CDK13: variants seen among roughly 807,000 people sequenced by gnomAD.
CDK13 encodes cyclin dependent kinase 13.
In CDK13, 40 loss-of-function variants were observed where a neutral mutation model predicts 137.6. That is an observed-to-expected ratio of 0.29 (90% CI 0.23 to 0.38). CDK13 has a LOEUF of 0.38. Among genes scored for constraint, CDK13 ranks in the 10% least tolerant of loss-of-function variants. The pLI, the probability that CDK13 is intolerant of heterozygous loss-of-function variation, is 1.00. For missense variants in CDK13, 1,704 were observed against 1,951.8 expected, an observed-to-expected ratio of 0.87 and a Z score of 2.39; for synonymous variants, 869 against 760.1, an observed-to-expected ratio of 1.14 and a Z score of -2.36.
intron 1 of CDK13, among the ~76,000 whole-genome samples, chr7:39,968,984 AAC>A (rs1266534531): frequency 4.6e-5 from 7 of 152,102 alleles, no homozygotes; most frequent in South Asian, 4.2e-4. Context: ...TCATTCTTTC[AAC>A]CTTAGTTCAG....
At chr7:40,034,314 T>G (rs1438738855) in intron 5 of CDK13, among the ~76,000 whole-genome samples, 1 of 152,192 alleles carries the variant, frequency 6.6e-6, no homozygotes, top group Non-Finnish European at 1.5e-5. Flanking sequence ...GGCAGTGGTT[T>G]GCCCTGTGAC....
At chr7:39,991,103 C>A (rs1784446615) in intron 2 of CDK13, among the ~76,000 whole-genome samples, 1 of 152,098 alleles carries the variant, frequency 6.6e-6, no homozygotes, top group Non-Finnish European at 1.5e-5. Flanking sequence ...GGGACCACCC[C>A]CAGGCCATTT....
chr7:40,055,646 T>C (rs1195381687), intron 7 of CDK13, among the ~76,000 whole-genome samples: 1 of 151,198 alleles, frequency 6.6e-6, no homozygotes, highest in Non-Finnish European at 1.5e-5. Context: ...TGGTGTCATC[T>C]AGGTTCACTG....
intron 9 of CDK13, among the ~76,000 whole-genome samples, chr7:40,063,665 T>G (rs1786206442): frequency 6.6e-6 from 1 of 152,072 alleles, no homozygotes; most frequent in South Asian, 2.1e-4. Context: ...ATTTTATTAT[T>G]TTATTTTTTT....
chr7:39,994,864 G>A (rs769965607), intron 2 of CDK13, among the ~76,000 whole-genome samples: 5 of 149,152 alleles, frequency 3.4e-5, no homozygotes, highest in Non-Finnish European at 7.4e-5. Context: ...TTCTTTTGCC[G>A]TTATTCTTAG....
chr7:39,973,074 A>G (rs571659004), intron 1 of CDK13, among the ~76,000 whole-genome samples: 2 of 152,292 alleles, frequency 1.3e-5, no homozygotes, highest in East Asian at 3.9e-4. Context: ...GTTTTTGACC[A>G]TTTGAGAAAT....
chr7:39,995,557 CTG>C (rs1360339108), intron 2 of CDK13, among the ~76,000 whole-genome samples: 4 of 152,208 alleles, frequency 2.6e-5, no homozygotes, highest in African/African-American at 9.7e-5. Flanking sequence ...GTCTTCCAGA[CTG>C]TAAGCTCTTT....
At chr7:40,030,409 C>G (rs1328540334) in intron 5 of CDK13, among the ~76,000 whole-genome samples, 2 of 146,426 alleles carry the variant, frequency 1.4e-5, no homozygotes, top group African/African-American at 2.5e-5. Flanking sequence ...CCCTGCAACT[C>G]TGGCAACCAC....
intron 1 of CDK13, among the ~76,000 whole-genome samples, chr7:39,966,444 T>C (rs994472882): frequency 2.6e-5 from 4 of 152,230 alleles, no homozygotes; most frequent in African/African-American, 9.6e-5. Context: ...TCTTGTGCCT[T>C]GATTTTCAGC....
chr7:39,957,039 G>A (rs903612796), intron 1 of CDK13, among the ~76,000 whole-genome samples: 1 of 151,250 alleles, frequency 6.6e-6, no homozygotes, highest in African/African-American at 2.4e-5. Flanking sequence ...ACTCTCTTTT[G>A]CTCTTCATCT....
chr7:40,020,740 T>G (rs1182766386), intron 5 of CDK13, among the ~76,000 whole-genome samples: 1 of 152,160 alleles, frequency 6.6e-6, no homozygotes. Flanking sequence ...GTGAAATGCT[T>G]TGTAGGTAAA....
At chr7:40,083,288 T>TA (rs1786711621) in intron 11 of CDK13, among the ~76,000 whole-genome samples, 1 of 119,834 alleles carries the variant, frequency 8.3e-6, no homozygotes, top group Non-Finnish European at 1.7e-5. Context: ...CTGGGTAACA[T>TA]AAGGAGACCC....
Position 40,021,118 on chromosome 7 carries a change from T to TAC in CDK13, c.2353+19088_2353+19089insCA, listed in dbSNP as rs1326611140. Among the ~76,000 whole-genome samples the TAC allele has an allele frequency of 6.8e-3, 734 of 107,186 alleles. 15 individuals carry two copies. The highest frequency in any genetic ancestry group is 0.019 in the African/African-American group (666 of 35,734). 70.3% of individuals were successfully genotyped at this position (107,186 alleles called of 152,430 possible). ...GCAAACAAACGTATATATATATATA[T>TAC]ATATACACACACACACACACACACA... is the stretch of plus-strand genomic sequence containing the variant. On this transcript the variant is annotated intron_variant, in intron 5 of 13. Transcript: ENST00000181839.
chr7:40,087,160 G>T (rs1403883502), intron 11 of CDK13, among the ~76,000 whole-genome samples: 3 of 151,504 alleles, frequency 2.0e-5, no homozygotes, highest in Non-Finnish European at 2.9e-5. Flanking sequence ...TTTCTTTTTT[G>T]TGTGACAGGG....
At chr7:40,059,071 T>G (rs1371696754) in intron 7 of CDK13, 2 of 152,186 alleles carry the variant, frequency 1.3e-5, no homozygotes, top group Non-Finnish European at 2.9e-5. Flanking sequence ...TCACTTAGAA[T>G]GGTCTTTAAC....
At chr7:40,040,829 T>C (rs1195113458) in intron 5 of CDK13, among the ~76,000 whole-genome samples, 1 of 152,178 alleles carries the variant, frequency 6.6e-6, no homozygotes, top group East Asian at 1.9e-4. Context: ...TTAACTGTAA[T>C]AATTTTTTTG....
At position 40,098,967 on chromosome 7, in the gene CDK13, T is replaced by C. The variant is rs1030260061; in HGVS notation, c.*3987T>C. ...AGGCAAGTCCTGTATGTATTTTTCATTTGTTGAAAGAAGATTGGTTATCAG... is the reference window on the plus strand; with the variant it reads ...AGGCAAGTCCTGTATGTATTTTTCACTTGTTGAAAGAAGATTGGTTATCAG... On this transcript the variant is annotated 3_prime_UTR_variant, in exon 14 of 14. Transcript: ENST00000181839. 1 of 152,096 alleles carries C rather than the reference T, an allele frequency of 6.6e-6. No homozygotes were observed. The highest frequency in any genetic ancestry group is 1.5e-5 in the Non-Finnish European group (1 of 67,986). 9.4% of individuals were successfully genotyped at this position (152,096 alleles called of 1,614,324 possible).
At chr7:40,032,538 ATCCATTTTGAGTTAATTTT>A (rs1785402812) in intron 5 of CDK13, among the ~76,000 whole-genome samples, 1 of 152,162 alleles carries the variant, frequency 6.6e-6, no homozygotes, top group Non-Finnish European at 1.5e-5. Context: ...CAAGTCTTTG[ATCCATTTTGAGTTAATTTT>A]TGTGAAAGGT....
At chr7:40,032,410 T>C (rs551819677) in intron 5 of CDK13, among the ~76,000 whole-genome samples, 1 of 152,312 alleles carries the variant, frequency 6.6e-6, no homozygotes, top group South Asian at 2.1e-4. Flanking sequence ...ATCCAACATA[T>C]TAGTTTCTTC....
Sources: allele counts gnomAD v4.1 joint callset (sites outside exome capture counted in the v4.1 genomes callset), GRCh38; gene constraint gnomAD v4.1.1; transcripts MANE v1.5; gene names NCBI Gene and HGNC (gene_info 2026-07-23, HGNC 2026-07-21).